Variants in SKAP1 observed in about 807,000 individuals in gnomAD.
SKAP1 encodes src kinase-associated phosphoprotein 1.
In SKAP1, 44 loss-of-function variants were observed where a neutral mutation model predicts 58.5. The observed-to-expected ratio is 0.75, with a 90% confidence interval of 0.59 to 0.97. The LOEUF is 0.97. Among genes scored for constraint, SKAP1 ranks in the 50% least tolerant of loss-of-function variants. The pLI is 0.00. For missense variants in SKAP1, 390 were observed against 435.2 expected, an observed-to-expected ratio of 0.90 and a Z score of 0.92; for synonymous variants, 127 against 149.7, an observed-to-expected ratio of 0.85 and a Z score of 1.11.
At chr17:48,323,749 G>A (rs1217325376) in intron 4 of SKAP1, among the ~76,000 whole-genome samples, 1 of 152,028 alleles carries the variant, frequency 6.6e-6, no homozygotes, top group African/African-American at 2.4e-5. Context: ...GAGATACATA[G>A]GAAGGCCTGG....
At chr17:48,146,289 G>A (rs1056174333) in intron 11 of SKAP1, among the ~76,000 whole-genome samples, 2 of 151,932 alleles carry the variant, frequency 1.3e-5, no homozygotes, top group Non-Finnish European at 2.9e-5. Context: ...TCAGGAGTTC[G>A]AGACCAGCCT....
intron 4 of SKAP1, among the ~76,000 whole-genome samples, chr17:48,238,937 A>C (rs1236815049): frequency 6.6e-6 from 1 of 152,232 alleles, no homozygotes. Context: ...TGAGATCTTC[A>C]AATGAAAGAT....
chr17:48,396,751 A>C lies in SKAP1; in HGVS notation c.81T>G (p.Asn27Lys), dbSNP rs1017344726. The C allele has an allele frequency of 1.2e-6, 2 of 1,613,718 alleles. 1 individual carries two copies. Among genetic ancestry groups the C allele is most frequent in the Middle Eastern group, 3.3e-4 (2 of 6,058 alleles). Residue 27 changes from asparagine to lysine, a missense_variant, in exon 2 of 13, where the codon AAT becomes AAG. By Grantham distance (94) the Asn-to-Lys change is moderately conservative (BLOSUM62 0). Transcript: ENST00000336915. ...CCCTTGCAACAGCGCTGAGGTTCTC[A>C]TTCCGCAAACCTTCTGCCAGAAACT... ...AEEFLAEGLRNENLSAVARDH... is the reference protein window; with the variant it reads ...AEEFLAEGLRKENLSAVARDH...
intron 9 of SKAP1, 121 bp from the exon 10 acceptor site, chr17:48,170,780 G>T: frequency 1.2e-6 from 1 of 823,410 alleles, no homozygotes; most frequent in Non-Finnish European, 2.0e-6. Flanking sequence ...AACGATTTTC[G>T]GTTCACTGCA....
At chr17:48,398,489 G>A (rs1347145226) in intron 1 of SKAP1, among the ~76,000 whole-genome samples, 1 of 151,948 alleles carries the variant, frequency 6.6e-6, no homozygotes, top group East Asian at 1.9e-4. Context: ...GAAATAAAGT[G>A]CATAATAAAT....
intron 2 of SKAP1, among the ~76,000 whole-genome samples, chr17:48,365,444 T>C (rs2066989841): frequency 6.6e-6 from 1 of 152,192 alleles, no homozygotes; most frequent in South Asian, 2.1e-4. Flanking sequence ...TTATCAATTT[T>C]TCTCTTGTCT....
intron 4 of SKAP1, chr17:48,204,305 G>T (rs1246055217): frequency 6.7e-6 from 1 of 148,780 alleles, no homozygotes; most frequent in Non-Finnish European, 1.5e-5. Flanking sequence ...GTTTCACCAT[G>T]CTGGCCAGGC....
chr17:48,343,941 T>C (rs1057058377), intron 4 of SKAP1, among the ~76,000 whole-genome samples: 2 of 152,192 alleles, frequency 1.3e-5, no homozygotes, highest in African/African-American at 4.8e-5. Context: ...TTAACTTCCC[T>C]GAGTCTGTTT....
intron 11 of SKAP1, among the ~76,000 whole-genome samples, chr17:48,160,963 A>G (rs2064060995): frequency 6.6e-6 from 1 of 152,230 alleles, no homozygotes; most frequent in African/African-American, 2.4e-5. Context: ...GGAGCCACAC[A>G]GAAATGGCAC....
rs67360130 is a variant in SKAP1, at chr17:48,292,132, CAAAAA to C, written c.280+53768_280+53772del. Among the ~76,000 whole-genome samples the C allele has an allele frequency of 1.6e-5, 2 of 121,612 alleles. 1 individual carries two copies. Among genetic ancestry groups the C allele is most frequent in the South Asian group, 6.0e-4 (2 of 3,352 alleles). The allele number at this position is 121,612 out of a possible 152,430, so 79.8% of individuals were successfully genotyped here. On this transcript the variant is annotated intron_variant, in intron 4 of 12. Coordinates refer to ENST00000336915, the MANE Select transcript of SKAP1 (RefSeq NM_003726.4). ...ATGAAAATCATTAGTTTAGCCTATTCAAAAAAAAAAAAAAGAAAGAAAGAAAGAAA... is the reference window on the plus strand; with the variant it reads ...ATGAAAATCATTAGTTTAGCCTATTCAAAAAAAAAGAAAGAAAGAAAGAAA...
At chr17:48,134,071 T>A (rs552697606) in intron 12 of SKAP1, among the ~76,000 whole-genome samples, 19 of 151,114 alleles carry the variant, frequency 1.3e-4, no homozygotes, top group South Asian at 1.0e-3. Flanking sequence ...TTATTTTTTT[T>A]AAACTTACCA....
At position 48,236,126 on chromosome 17, in the gene SKAP1, A is replaced by G. The variant is rs143872063; in HGVS notation, c.281-46626T>C. 1.4e-3 allele frequency among the ~76,000 whole-genome samples: 209 copies of G among 152,328 alleles called. 2 individuals carry two copies. The highest frequency in any genetic ancestry group is 4.9e-3 in the African/African-American group (205 of 41,552). On this transcript the variant is annotated intron_variant, in intron 4 of 12. Transcript: ENST00000336915. ...AAAAATACATTCATACATAGAGTTA[A>G]CAAGGTTAAGCAAAGCTCTTTAAAG... is the stretch of plus-strand genomic sequence containing the variant.
At chr17:48,141,602 C>T (rs1323021324) in intron 11 of SKAP1, among the ~76,000 whole-genome samples, 1 of 152,044 alleles carries the variant, frequency 6.6e-6, no homozygotes, top group African/African-American at 2.4e-5. Context: ...GTCTTGAACT[C>T]CTGACCTCAG....
chr17:48,339,140 A>G (rs2066614072), intron 4 of SKAP1, among the ~76,000 whole-genome samples: 1 of 152,238 alleles, frequency 6.6e-6, no homozygotes, highest in African/African-American at 2.4e-5. Flanking sequence ...ATAAGTTTTT[A>G]TGTTCTTCCA....
At chr17:48,172,172 C>T (rs1245929114) in intron 9 of SKAP1, among the ~76,000 whole-genome samples, 1 of 152,138 alleles carries the variant, frequency 6.6e-6, no homozygotes, top group Non-Finnish European at 1.5e-5. Context: ...ATTTTATGTT[C>T]CTAGTACTTG....
intron 4 of SKAP1, among the ~76,000 whole-genome samples, chr17:48,342,321 G>T (rs1217575292): frequency 6.6e-6 from 1 of 152,208 alleles, no homozygotes; most frequent in Non-Finnish European, 1.5e-5. Flanking sequence ...AAAGGAGAAG[G>T]AATTGTAATT....
intron 4 of SKAP1, among the ~76,000 whole-genome samples, chr17:48,327,996 T>C (rs2066459955): frequency 2.0e-5 from 3 of 152,178 alleles, no homozygotes; most frequent in Admixed American, 1.3e-4. Flanking sequence ...CTCACTGCGA[T>C]GTCCATAATT....
intron 4 of SKAP1, among the ~76,000 whole-genome samples, chr17:48,327,142 C>T (rs376028827): frequency 9.6e-4 from 146 of 152,218 alleles, no homozygotes; most frequent in African/African-American, 3.3e-3. Context: ...CTGTCCGCCT[C>T]GGCCTCCCAA....
At chr17:48,291,009 C>A (rs1421144461) in intron 4 of SKAP1, among the ~76,000 whole-genome samples, 1 of 152,008 alleles carries the variant, frequency 6.6e-6, no homozygotes, top group African/African-American at 2.4e-5. Flanking sequence ...GTGGCATGCG[C>A]CTGTAATCCC....
Sources: allele counts gnomAD v4.1 joint callset (sites outside exome capture counted in the v4.1 genomes callset), GRCh38; gene constraint gnomAD v4.1.1; transcripts MANE v1.5; gene names NCBI Gene and HGNC (gene_info 2026-07-23, HGNC 2026-07-21).